SBF2: variants seen among roughly 807,000 people sequenced by gnomAD.
SBF2 encodes the protein SET binding factor 2.
Under a neutral mutation model 225.2 loss-of-function variants are expected in SBF2, and 112 were observed. That is an observed-to-expected ratio of 0.50 (90% CI 0.43 to 0.58). The LOEUF is 0.58. Ranked by LOEUF, SBF2 falls within the 20% of genes least tolerant of loss-of-function variation. The pLI, the probability that SBF2 is intolerant of heterozygous loss-of-function variation, is 0.00. For synonymous variants in SBF2, 763 were observed against 773.3 expected, an observed-to-expected ratio of 0.99 and a Z score of 0.22; for missense variants, 1,996 against 2,206.2, an observed-to-expected ratio of 0.90 and a Z score of 1.91.
rs368506825 is a variant in SBF2 at position 10,117,866 on chromosome 11, G to A, written c.142-74885C>T. Among the ~76,000 whole-genome samples, 25 of 151,792 alleles carry A rather than the reference G, an allele frequency of 1.6e-4. No homozygotes were observed. In the East Asian group the frequency reaches 2.7e-3, roughly 16 times the overall value. On this transcript the variant is annotated intron_variant, in intron 2 of 39. Coordinates refer to ENST00000256190, the MANE Select transcript of SBF2 (RefSeq NM_030962.4). ...CTGTATTCTCTAAGGAATTAATACT[G>A]TTCAGTTTTTTTGTTAAAACAAAGA...
At position 9,906,035 on chromosome 11, in the gene SBF2, A is replaced by C. The variant is rs142283191; in HGVS notation, c.1861-10024T>G. Among the ~76,000 whole-genome samples the C allele has an allele frequency of 8.3e-4, 126 of 152,304 alleles. 1 individual carries two copies. Among genetic ancestry groups the C allele is most frequent in the African/African-American group, 2.8e-3 (115 of 41,560 alleles). On this transcript the variant is annotated intron_variant, in intron 16 of 39. Transcript: ENST00000256190. ...CCATCCTCTCTATGGATTATATATA[A>C]TAATCCCAGAATGCAGCAAAAAGTA...
chr11:10,194,235 A>T (rs972588590), intron 1 of SBF2, among the ~76,000 whole-genome samples: 1 of 152,252 alleles, frequency 6.6e-6, no homozygotes, highest in African/African-American at 2.4e-5. Flanking sequence ...GATGAAAAAA[A>T]CAATAAAATT....
intron 6 of SBF2, among the ~76,000 whole-genome samples, chr11:10,027,805 A>G (rs540025669): frequency 2.0e-4 from 31 of 152,226 alleles, no homozygotes; most frequent in Non-Finnish European, 3.2e-4. Flanking sequence ...AATTGGAGAT[A>G]AAGTCCTCAG....
intron 1 of SBF2, among the ~76,000 whole-genome samples, chr11:10,248,308 T>C (rs2135479741): frequency 6.6e-6 from 1 of 152,344 alleles, no homozygotes; most frequent in South Asian, 2.1e-4. Context: ...TGGTCTGTGT[T>C]AAGTCATGAA....
chr11:10,170,728 T>G (rs1249059182), intron 2 of SBF2, among the ~76,000 whole-genome samples: 1 of 152,138 alleles, frequency 6.6e-6, no homozygotes, highest in Non-Finnish European at 1.5e-5. Context: ...AATCTATAGA[T>G]TGCTTTAGGT....
chr11:10,056,676 G>A lies in SBF2; in HGVS notation c.142-13695C>T, dbSNP rs187981867. Among the ~76,000 whole-genome samples the A allele has an allele frequency of 7.9e-4, 120 of 152,310 alleles. 1 individual carries two copies. The highest frequency in any genetic ancestry group is 2.1e-3 in the South Asian group (10 of 4,828). ...GGCCACACTGCTGCTTTACATGAGT[G>A]GGTAATCCTGTTCCTCATCACTGAG... On this transcript the variant is annotated intron_variant, in intron 2 of 39. Transcript: ENST00000256190.
In SBF2 at chr11:9,816,831, A is replaced by G. The variant is rs1289213932; in HGVS notation, c.3978+9T>C. The G allele has an allele frequency of 6.2e-7, 1 of 1,613,778 alleles. No homozygotes were observed. The highest frequency in any genetic ancestry group is 1.6e-4 in the Middle Eastern group (1 of 6,062). Reference sequence around the variant, plus strand: ...ATAAAGTTTCTAAGTGAGAAAAAAGAAATCTTACCCTTAGTTGCGACTTTT... The same window carrying G: ...ATAAAGTTTCTAAGTGAGAAAAAAGGAATCTTACCCTTAGTTGCGACTTTT... On this transcript the variant is annotated intron_variant, in intron 29 of 39. Transcript: ENST00000256190.
At chr11:10,111,329 T>C (rs1952828870) in intron 2 of SBF2, among the ~76,000 whole-genome samples, 1 of 152,204 alleles carries the variant, frequency 6.6e-6, no homozygotes, top group Admixed American at 6.5e-5. Flanking sequence ...AGGGATGGTT[T>C]CCCACATGCA....
At position 9,816,841 on chromosome 11, in the gene SBF2, C is replaced by A; in HGVS notation, c.3977G>T (p.Arg1326Met). Residue 1326 changes from arginine (R) to methionine (M), a missense_variant and splice_region_variant, in exon 29 of 40, where the codon AGG becomes ATG. Coordinates refer to ENST00000256190, the MANE Select transcript of SBF2 (RefSeq NM_030962.4). Reference sequence around the variant, plus strand: ...TAAGTGAGAAAAAAGAAATCTTACCCTTAGTTGCGACTTTTCACCAAATAT... The same window carrying A: ...TAAGTGAGAAAAAAGAAATCTTACCATTAGTTGCGACTTTTCACCAAATAT... Reference protein sequence around the residue: ...LYIFGEKSQLRNFKVEFALNC... With the variant: ...LYIFGEKSQLMNFKVEFALNC... 6.2e-7 allele frequency: 1 copy of A among 1,614,042 alleles called. No individual in the cohort carries two copies. The highest frequency in any genetic ancestry group is 1.1e-5 in the South Asian group (1 of 91,060).
At chr11:9,794,932 TG>T (rs1853026412) in intron 33 of SBF2, among the ~76,000 whole-genome samples, 1 of 152,268 alleles carries the variant, frequency 6.6e-6, no homozygotes. Flanking sequence ...TAGGATGCCC[TG>T]GAAAGCGGTA....
At chr11:9,802,900 C>T (rs1214070699) in intron 32 of SBF2, among the ~76,000 whole-genome samples, 3 of 152,114 alleles carry the variant, frequency 2.0e-5, no homozygotes, top group Non-Finnish European at 2.9e-5. Context: ...GCCAAGCATG[C>T]TTTACTTACT....
chr11:10,078,684 C>G (rs188160519), intron 2 of SBF2, among the ~76,000 whole-genome samples: 1 of 151,978 alleles, frequency 6.6e-6, no homozygotes, highest in Non-Finnish European at 1.5e-5. Context: ...ATGTAAATGA[C>G]GAGTTGATGG....
chr11:9,915,124 G>A (rs1862964767), intron 16 of SBF2, among the ~76,000 whole-genome samples: 2 of 152,190 alleles, frequency 1.3e-5, no homozygotes, highest in African/African-American at 4.8e-5. Context: ...TGCTAGAAAT[G>A]TTTCATTATG....
intron 2 of SBF2, among the ~76,000 whole-genome samples, chr11:10,132,120 T>C (rs1298743681): frequency 1.3e-5 from 2 of 152,226 alleles, no homozygotes; most frequent in African/African-American, 4.8e-5. Context: ...AAGAATACTA[T>C]TCTTTTCCTT....
chr11:9,897,707 C>T (rs987864443), intron 16 of SBF2, among the ~76,000 whole-genome samples: 6 of 152,134 alleles, frequency 3.9e-5, no homozygotes, highest in Admixed American at 1.3e-4. Context: ...CTCATCCATC[C>T]GTTATAAGTT....
chr11:10,076,368 G>A (rs1322331701), intron 2 of SBF2, among the ~76,000 whole-genome samples: 2 of 152,246 alleles, frequency 1.3e-5, no homozygotes, highest in African/African-American at 4.8e-5. Flanking sequence ...CAGCACAGGT[G>A]GCAGACACTG....
intron 2 of SBF2, among the ~76,000 whole-genome samples, chr11:10,146,134 A>C (rs1954873265): frequency 6.6e-6 from 1 of 152,218 alleles, no homozygotes; most frequent in Non-Finnish European, 1.5e-5. Flanking sequence ...ATATTGTTAA[A>C]ATGGCCATAT....
chr11:9,858,174 T>C (rs1035409227), intron 18 of SBF2, 52 bp downstream of exon 18: 1 of 1,607,668 alleles, frequency 6.2e-7, no homozygotes, highest in African/African-American at 1.3e-5. Context: ...CTGCTTTCCT[T>C]AAAGCCAGAA....
At chr11:10,202,758 A>C (rs1957613951) in intron 1 of SBF2, among the ~76,000 whole-genome samples, 1 of 152,256 alleles carries the variant, frequency 6.6e-6, no homozygotes. Flanking sequence ...ACTGCACTCC[A>C]GCCTGGGTGA....
Sources: gnomAD v4.1 joint callset for allele counts (sites outside exome capture counted in the v4.1 genomes callset) on GRCh38, gnomAD v4.1.1 for gene constraint, MANE v1.5 for transcripts, NCBI Gene and HGNC (gene_info 2026-07-23, HGNC 2026-07-21) for gene names.